The following NUBPL variants were observed in gnomAD, a reference collection of about 807,000 sequenced individuals.
The protein encoded by NUBPL is NUBP iron-sulfur cluster assembly factor, mitochondrial.
NUBPL carries 31 observed loss-of-function variants against 45.7 expected under a neutral mutation model. The observed-to-expected ratio is 0.68, with a 90% CI of 0.51 to 0.92. The LOEUF is 0.92. NUBPL is among the 40% of genes least tolerant of loss of function. NUBPL has a pLI of 0.00. For synonymous variants in NUBPL, 144 were observed against 140.9 expected, an observed-to-expected ratio of 1.02 and a Z score of -0.15; for missense variants, 401 against 398.7, an observed-to-expected ratio of 1.01 and a Z score of -0.05.
chr14:31,673,511 A>G lies in NUBPL; in HGVS notation c.450A>G (p.Glu150=). The G allele has an allele frequency of 1.2e-6, 2 of 1,613,936 alleles. No individual in the cohort carries two copies. The highest frequency in any genetic ancestry group is 1.7e-6 in the Non-Finnish European group (2 of 1,179,906). The change falls in exon 6 of 11, where the codon GAA becomes GAG. Residue 150 remains glutamate, a synonymous_variant. Transcript: ENST00000281081. ...TGTCTATGGGCTTTCTGGTTGAAGA[A>G]AGTGAACCAGTAGTTTGGAGAGGCC... The part of the protein sequence containing the change: ...ACMSMGFLVE[E]SEPVVWRGLM...
chr14:31,821,481 A>G (rs1345615501), intron 7 of NUBPL, among the ~76,000 whole-genome samples: 4 of 152,192 alleles, frequency 2.6e-5, no homozygotes, highest in African/African-American at 4.8e-5. Context: ...TCAAAACTAC[A>G]AAGAGATATC....
chr14:31,723,642 TC>T (rs1190917507), intron 6 of NUBPL, among the ~76,000 whole-genome samples: 1 of 152,198 alleles, frequency 6.6e-6, no homozygotes, highest in African/African-American at 2.4e-5. Context: ...TTTGTAGTTT[TC>T]ATTGTAGAGA....
chr14:31,824,811 AT>A (rs2040071565), intron 7 of NUBPL, among the ~76,000 whole-genome samples: 1 of 152,124 alleles, frequency 6.6e-6, no homozygotes, highest in Non-Finnish European at 1.5e-5. Context: ...CTTGATACCA[AT>A]TTAACAGTTT....
chr14:31,630,630 G>A (rs1180959673), intron 4 of NUBPL, among the ~76,000 whole-genome samples: 1 of 152,106 alleles, frequency 6.6e-6, no homozygotes, highest in African/African-American at 2.4e-5. Flanking sequence ...ATGCATTTAA[G>A]TTACCTGGAA....
chr14:31,654,233 T>C (rs2036084698), intron 4 of NUBPL: 1 of 308,106 alleles, frequency 3.2e-6, no homozygotes, highest in East Asian at 7.8e-5. Flanking sequence ...TGTCTAAAAA[T>C]ATGTATGTAC....
intron 7 of NUBPL, 21 bp from the exon 8 acceptor site, chr14:31,826,608 A>G: frequency 6.2e-7 from 1 of 1,606,216 alleles, no homozygotes; most frequent in Non-Finnish European, 8.5e-7. Flanking sequence ...AGATAATAGT[A>G]TTTTGTTTAT....
chr14:31,715,695 C>T (rs2037672285), intron 6 of NUBPL, among the ~76,000 whole-genome samples: 1 of 152,198 alleles, frequency 6.6e-6, no homozygotes, highest in Non-Finnish European at 1.5e-5. Flanking sequence ...CTGAAAGTTG[C>T]TGTGGGTGAG....
At chr14:31,655,507 G>T (rs2036120112) in intron 4 of NUBPL, among the ~76,000 whole-genome samples, 1 of 152,150 alleles carries the variant, frequency 6.6e-6, no homozygotes, top group African/African-American at 2.4e-5. Flanking sequence ...GAGTTCAGGA[G>T]TTTGAGACCA....
At chr14:31,581,639 C>T (rs1315281965) in intron 3 of NUBPL, among the ~76,000 whole-genome samples, 1 of 152,174 alleles carries the variant, frequency 6.6e-6, no homozygotes, top group Non-Finnish European at 1.5e-5. Context: ...ATGGAGAAGA[C>T]TCTTGAAGGA....
At chr14:31,596,843 G>T (rs961431330) in intron 3 of NUBPL, among the ~76,000 whole-genome samples, 4 of 152,128 alleles carry the variant, frequency 2.6e-5, no homozygotes, top group African/African-American at 9.7e-5. Flanking sequence ...TTGCTGTGAG[G>T]ATAAGTGAAA....
intron 4 of NUBPL, among the ~76,000 whole-genome samples, chr14:31,606,457 T>C (rs2034601982): frequency 1.3e-5 from 2 of 152,200 alleles, no homozygotes; most frequent in African/African-American, 4.8e-5. Flanking sequence ...TAGTTATTCC[T>C]TAAGTCACTC....
chr14:31,655,700 G>C (rs912213803), intron 4 of NUBPL, among the ~76,000 whole-genome samples: 1 of 152,130 alleles, frequency 6.6e-6, no homozygotes, highest in Non-Finnish European at 1.5e-5. Flanking sequence ...GTGACAAAAA[G>C]GTTTCAACAG....
chr14:31,764,930 T>A (rs2038883506), intron 6 of NUBPL, among the ~76,000 whole-genome samples: 1 of 152,216 alleles, frequency 6.6e-6, no homozygotes, highest in South Asian at 2.1e-4. Context: ...ATCTTTATCA[T>A]CTGCTTTGCA....
intron 6 of NUBPL, among the ~76,000 whole-genome samples, chr14:31,683,640 C>T (rs564983807): frequency 5.7e-4 from 86 of 152,204 alleles, no homozygotes; most frequent in African/African-American, 1.8e-3. Flanking sequence ...CGTGAGCCAC[C>T]GCGCCCGGCT....
rs567469386 is a variant in NUBPL, at chr14:31,774,290, A to G, written c.514-13490A>G. Among the ~76,000 whole-genome samples, 8 of 152,324 alleles carry G rather than the reference A, an allele frequency of 5.3e-5. No individual in the cohort carries two copies. The East Asian group carries it at 1.5e-3, about 29-fold the overall frequency. On this transcript the variant is annotated intron_variant, in intron 6 of 10. Coordinates refer to ENST00000281081, the MANE Select transcript of NUBPL (RefSeq NM_025152.3). ...ACCCTATGGTCCTTAGACTTGGCTT[A>G]TGTAATGCTAATGATAGAAACTGCT...
At chr14:31,608,874 G>T (rs540503606) in intron 4 of NUBPL, among the ~76,000 whole-genome samples, 2 of 152,150 alleles carry the variant, frequency 1.3e-5, no homozygotes, top group Non-Finnish European at 2.9e-5. Flanking sequence ...GGACCCCTGG[G>T]TTATCAGATA....
intron 7 of NUBPL, among the ~76,000 whole-genome samples, chr14:31,803,320 A>T (rs543919460): frequency 6.6e-6 from 1 of 152,132 alleles, no homozygotes; most frequent in Non-Finnish European, 1.5e-5. Context: ...TTCACTTCCT[A>T]TTTTCAAATT....
chr14:31,804,697 A>G (rs1049829515), intron 7 of NUBPL, among the ~76,000 whole-genome samples: 1 of 152,198 alleles, frequency 6.6e-6, no homozygotes, highest in African/African-American at 2.4e-5. Flanking sequence ...AAGACTTCCT[A>G]TTTAATCAAT....
In NUBPL at chr14:31,818,817, G is replaced by T. The variant is rs1272353677; in HGVS notation, c.608-7812G>T. 3.3e-5 allele frequency among the ~76,000 whole-genome samples: 5 copies of T among 152,286 alleles called. No individual in the cohort carries two copies. In the East Asian group the frequency reaches 9.7e-4, roughly 29 times the overall value. Reference sequence around the variant, plus strand: ...CCTGCCTCGGCCTCCCAAAGTGCTGGGATTACAGGCGTGAGCTGCCGTGCC... The same window carrying T: ...CCTGCCTCGGCCTCCCAAAGTGCTGTGATTACAGGCGTGAGCTGCCGTGCC... On this transcript the variant is annotated intron_variant, in intron 7 of 10. Transcript: ENST00000281081.
Sources: gnomAD v4.1 joint callset for allele counts (sites outside exome capture counted in the v4.1 genomes callset) on GRCh38, gnomAD v4.1.1 for gene constraint, MANE v1.5 for transcripts, NCBI Gene and HGNC (gene_info 2026-07-23, HGNC 2026-07-21) for gene names.